The following TMPRSS7 variants were observed in gnomAD, a reference collection of about 807,000 sequenced individuals.
The protein encoded by TMPRSS7 is transmembrane serine protease 7, also known as transmembrane protease serine 7.
Under a neutral mutation model 95.6 loss-of-function variants are expected in TMPRSS7, and 81 were observed. The observed-to-expected ratio is 0.85, with a 90% confidence interval of 0.71 to 1.02. The LOEUF is 1.02. Ranked by LOEUF, TMPRSS7 falls within the 50% of genes least tolerant of loss-of-function variation. The probability of loss-of-function intolerance (pLI) is 0.00; values close to 1 mark genes in which losing one functional copy is unlikely to be tolerated. For missense variants in TMPRSS7, 945 were observed against 955.2 expected (o/e 0.99, Z 0.14); for synonymous variants, 364 against 337.8 (o/e 1.08, Z -0.85).
chr3:112,057,200 T>A, intron 10 of TMPRSS7, 69 bp downstream of exon 10: 1 of 1,171,086 alleles, frequency 8.5e-7, no homozygotes, highest in Non-Finnish European at 1.3e-6. Context: ...GTGTTCCTTG[T>A]CCTCAAAGAG....
At chr3:112,062,884 G>C (rs1001831498) in intron 11 of TMPRSS7, among the ~76,000 whole-genome samples, 1 of 152,138 alleles carries the variant, frequency 6.6e-6, no homozygotes, top group Non-Finnish European at 1.5e-5. Context: ...AATGATTCAA[G>C]ATCGGGAATG....
At chr3:112,063,078 A>G (rs946753821) in intron 11 of TMPRSS7, among the ~76,000 whole-genome samples, 1 of 152,242 alleles carries the variant, frequency 6.6e-6, no homozygotes, top group African/African-American at 2.4e-5. Context: ...AATGTAATTT[A>G]AGACATACAG....
intron 7 of TMPRSS7, among the ~76,000 whole-genome samples, chr3:112,048,576 A>AGC (rs1380825730): frequency 1.4e-4 from 21 of 152,334 alleles, no homozygotes; most frequent in African/African-American, 4.8e-4. Flanking sequence ...CTAATAATGA[A>AGC]TTAGGCTTCA....
At chr3:112,074,492 G>C in intron 14 of TMPRSS7, 80 bp downstream of exon 14, 1 of 1,094,070 alleles carries the variant, frequency 9.1e-7, no homozygotes, top group South Asian at 1.6e-5. Flanking sequence ...TCCCTTCTTG[G>C]TGTATTTCCC....
At chr3:112,074,869 T>C (rs1292176460) in intron 14 of TMPRSS7, among the ~76,000 whole-genome samples, 1 of 152,232 alleles carries the variant, frequency 6.6e-6, no homozygotes, top group East Asian at 1.9e-4. Flanking sequence ...ATTATACATC[T>C]TTACCAATAC....
At chr3:112,070,087 C>T (rs2073623865) in intron 13 of TMPRSS7, among the ~76,000 whole-genome samples, 1 of 152,132 alleles carries the variant, frequency 6.6e-6, no homozygotes, top group African/African-American at 2.4e-5. Flanking sequence ...CGTTATTTAC[C>T]CACTAGTCAT....
chr3:112,047,396 T>C, intron 6 of TMPRSS7: 2 of 561,958 alleles, frequency 3.6e-6, no homozygotes, highest in South Asian at 3.1e-5. Context: ...TATTTCCTGA[T>C]TGCTCTTGCA....
At chr3:112,056,892 C>T (rs1164090800) in intron 9 of TMPRSS7, 133 bp from the exon 10 acceptor site, 20 of 571,498 alleles carry the variant, frequency 3.5e-5, no homozygotes, top group Admixed American at 1.3e-4. Context: ...CCGCTTTGTT[C>T]AGGAGAACTG....
Position 112,035,486 on chromosome 3 carries a change from A to C in TMPRSS7, c.48+593A>C, listed in dbSNP as rs188350535. 1.8e-4 allele frequency among the ~76,000 whole-genome samples: 28 copies of C among 152,236 alleles called. No homozygotes were observed. The East Asian group carries it at 5.4e-3, about 29-fold the overall frequency. On this transcript the variant is annotated intron_variant, in intron 1 of 17. Transcript: ENST00000452346. ...TGAATAATTCAGAGTGTACGTGGCC[A>C]CGTATTATCCCATTAATTGGCAAGA...
intron 15 of TMPRSS7, 121 bp downstream of exon 15, chr3:112,075,613 A>AT (rs2073702550): frequency 4.5e-6 from 4 of 889,870 alleles, no homozygotes; most frequent in Non-Finnish European, 6.2e-6. Context: ...TTGCACTTTC[A>AT]TTTTTTGGAT....
rs1473689903 is a variant in TMPRSS7 at position 112,050,705 on chromosome 3, T to C, written c.1125T>C (p.Thr375=). The change falls in exon 9 of 18, where the codon ACT becomes ACC. Residue 375 remains threonine (T), a synonymous_variant. Coordinates refer to ENST00000452346, the Ensembl canonical transcript of TMPRSS7. ...ACACAGTGTTGGTCAAAGACATCACTGGCTTTGAAGGGAAAATTTCAAGCC... is the reference window on the plus strand; with the variant it reads ...ACACAGTGTTGGTCAAAGACATCACCGGCTTTGAAGGGAAAATTTCAAGCC... 5.0e-6 allele frequency: 8 copies of C among 1,605,274 alleles called. 1 individual carries two copies. Among genetic ancestry groups the C allele is most frequent in the African/African-American group, 4.0e-5 (3 of 74,688 alleles).
chr3:112,047,000 A>G (rs1472040955), exon 6 of TMPRSS7: 1 of 702,704 alleles, frequency 1.4e-6, no homozygotes, highest in Non-Finnish European at 2.6e-6. Context: ...TTACTCGTCA[A>G]CCATAGGATC....
chr3:112,044,611 G>A (rs1243099357), intron 4 of TMPRSS7, among the ~76,000 whole-genome samples: 3 of 152,050 alleles, frequency 2.0e-5, no homozygotes, highest in Non-Finnish European at 2.9e-5. Flanking sequence ...TTGGGTGGAG[G>A]GTGGAGGCAA....
intron 6 of TMPRSS7, chr3:112,047,317 A>G (rs1274501872): frequency 1.2e-5 from 7 of 605,168 alleles, no homozygotes; most frequent in South Asian, 1.1e-4. Context: ...TATTTGTAAC[A>G]AGGACCACCA....
At chr3:112,080,425 G>A (rs1445137728) in intron 17 of TMPRSS7, among the ~76,000 whole-genome samples, 1 of 152,114 alleles carries the variant, frequency 6.6e-6, no homozygotes. Context: ...AGAGATAGAA[G>A]TCAACCTTCC....
chr3:112,074,635 A>T (rs569914650), intron 14 of TMPRSS7, among the ~76,000 whole-genome samples: 7 of 152,372 alleles, frequency 4.6e-5, no homozygotes, highest in Admixed American at 1.3e-4. Context: ...TTAAATTTTT[A>T]AAATGAGAAC....
intron 9 of TMPRSS7, among the ~76,000 whole-genome samples, chr3:112,053,845 C>T (rs1192639854): frequency 1.3e-5 from 2 of 152,194 alleles, no homozygotes; most frequent in South Asian, 2.1e-4. Flanking sequence ...CCCTACGTTT[C>T]TTAACAATCA....
rs145755321 is a variant in TMPRSS7 at position 112,080,994 on chromosome 3, T to C, written c.2442T>C (p.His814=). The change falls in exon 18 of 18, where the codon CAT becomes CAC. Residue 814 remains histidine, a synonymous_variant. Coordinates refer to ENST00000452346, the Ensembl canonical transcript of TMPRSS7. ...TGACTGGCATTGTTAGCTGGGGACA[T>C]GGAAGTGGACGACCAAACTTTCCTG... is the stretch of plus-strand genomic sequence containing the variant. 4.1e-4 allele frequency: 665 copies of C among 1,614,014 alleles called. 3 individuals are homozygous for C. In the African/African-American group the frequency reaches 8.0e-3, roughly 20 times the overall value.
chr3:112,078,628 G>C (rs2073740613), intron 16 of TMPRSS7, 114 bp from the exon 17 acceptor site: 4 of 1,353,118 alleles, frequency 3.0e-6, no homozygotes, highest in Non-Finnish European at 4.1e-6. Context: ...TACCTCAAGG[G>C]AATTGCCGCT....
Sources: allele counts gnomAD v4.1 joint callset (sites outside exome capture counted in the v4.1 genomes callset), GRCh38; gene constraint gnomAD v4.1.1; transcripts MANE v1.5; gene names NCBI Gene and HGNC (gene_info 2026-07-23, HGNC 2026-07-21).